The following CTNNA3 variants were observed in gnomAD, a reference collection of about 807,000 sequenced individuals.
CTNNA3 encodes catenin alpha-3.
CTNNA3 carries 76 observed loss-of-function variants against 95.7 expected under a neutral mutation model. The observed-to-expected ratio is 0.79, with a 90% CI of 0.66 to 0.96. The LOEUF is 0.96. Ranked by LOEUF, CTNNA3 falls within the 40% of genes least tolerant of loss-of-function variation. The pLI, the probability that CTNNA3 is intolerant of heterozygous loss-of-function variation, is 0.00. For synonymous variants in CTNNA3, 431 were observed against 374.4 expected (o/e 1.15, Z -1.74); for missense variants, 1,191 against 1,089.8 (o/e 1.09, Z -1.31).
intron 7 of CTNNA3, among the ~76,000 whole-genome samples, chr10:66,804,584 C>T (rs1841566358): frequency 1.3e-5 from 2 of 152,042 alleles, no homozygotes; most frequent in South Asian, 4.1e-4. Flanking sequence ...TCCTTCCTTT[C>T]CTAAAATACT....
Position 66,620,630 on chromosome 10 carries a change from G to A in CTNNA3, c.1374+1062C>T, listed in dbSNP as rs1429841863. Among the ~76,000 whole-genome samples, 3 of 152,144 alleles carry A rather than the reference G, an allele frequency of 2.0e-5. 1 individual carries two copies. In the South Asian group the frequency reaches 6.2e-4, roughly 32 times the overall value. ...CAACTACTTTAGAGACCTCATTGCAGTATTCTGTTCCCTCTGGAGTTTCAT... is the reference window on the plus strand; with the variant it reads ...CAACTACTTTAGAGACCTCATTGCAATATTCTGTTCCCTCTGGAGTTTCAT... On this transcript the variant is annotated intron_variant, in intron 10 of 17. Transcript: ENST00000433211.
intron 5 of CTNNA3, among the ~76,000 whole-genome samples, chr10:67,224,025 G>A (rs1864781637): frequency 6.6e-6 from 1 of 152,154 alleles, no homozygotes; most frequent in Non-Finnish European, 1.5e-5. Context: ...TATACATTGT[G>A]TAATGATTAC....
chr10:67,252,218 C>CAA (rs34502404), intron 5 of CTNNA3, among the ~76,000 whole-genome samples: 2,496 of 87,162 alleles, frequency 0.029, 110 homozygotes, highest in African/African-American at 0.077. Context: ...AACACTGTCT[C>CAA]AAAAAAAAAA....
At chr10:66,402,737 AG>A (rs909242153) in intron 11 of CTNNA3, among the ~76,000 whole-genome samples, 31 of 152,270 alleles carry the variant, frequency 2.0e-4, no homozygotes, top group African/African-American at 7.5e-4. Context: ...ACAACAGCCA[AG>A]GAAGTTAGAG....
chr10:67,057,597 A>G (rs568137495), intron 7 of CTNNA3, among the ~76,000 whole-genome samples: 1 of 152,190 alleles, frequency 6.6e-6, no homozygotes, highest in African/African-American at 2.4e-5. Context: ...GACAGGATAT[A>G]CTTCTTTTTT....
At chr10:66,526,690 C>T (rs1324747293) in intron 10 of CTNNA3, among the ~76,000 whole-genome samples, 1 of 152,014 alleles carries the variant, frequency 6.6e-6, no homozygotes, top group African/African-American at 2.4e-5. Flanking sequence ...TTTGCATTTC[C>T]CTAATGATTA....
At chr10:66,085,424 T>G (rs1035941880) in intron 14 of CTNNA3, among the ~76,000 whole-genome samples, 30 of 152,128 alleles carry the variant, frequency 2.0e-4, no homozygotes, top group Admixed American at 9.2e-4. Flanking sequence ...CAAAGTACAA[T>G]TCACATGCAA....
At chr10:65,926,696 G>A (rs1405513804) in intron 17 of CTNNA3, among the ~76,000 whole-genome samples, 2 of 151,976 alleles carry the variant, frequency 1.3e-5, no homozygotes, top group African/African-American at 4.8e-5. Context: ...GGCTCGTCTT[G>A]AACTCCCAAC....
chr10:66,679,129 C>A (rs555559328), intron 9 of CTNNA3, among the ~76,000 whole-genome samples: 1 of 151,952 alleles, frequency 6.6e-6, no homozygotes, highest in Non-Finnish European at 1.5e-5. Context: ...TCTGGTAGTG[C>A]CAAGGTGTTC....
intron 11 of CTNNA3, among the ~76,000 whole-genome samples, chr10:66,476,857 T>C (rs1839344899): frequency 6.6e-6 from 1 of 152,106 alleles, no homozygotes; most frequent in Non-Finnish European, 1.5e-5. Flanking sequence ...CTTTGTGTTA[T>C]TTCATTGATA....
intron 7 of CTNNA3, among the ~76,000 whole-genome samples, chr10:67,179,534 A>G (rs1820763304): frequency 6.7e-6 from 1 of 150,254 alleles, no homozygotes; most frequent in Admixed American, 6.6e-5. Flanking sequence ...GTCACATTTG[A>G]AAAAGATTAA....
intron 1 of CTNNA3, among the ~76,000 whole-genome samples, chr10:67,667,158 T>G (rs1274168435): frequency 6.6e-6 from 1 of 152,164 alleles, no homozygotes; most frequent in Non-Finnish European, 1.5e-5. Flanking sequence ...CACAGACTAA[T>G]TTTAAAGATA....
chr10:67,276,259 T>C (rs926710295), intron 5 of CTNNA3, among the ~76,000 whole-genome samples: 2 of 152,136 alleles, frequency 1.3e-5, no homozygotes, highest in African/African-American at 2.4e-5. Flanking sequence ...TTGGAGAGTA[T>C]AAAAATTACC....
chr10:66,457,898 C>T (rs984699244), intron 11 of CTNNA3, among the ~76,000 whole-genome samples: 1 of 152,096 alleles, frequency 6.6e-6, no homozygotes, highest in African/African-American at 2.4e-5. Flanking sequence ...CTTCAAAACC[C>T]ATGAAGTGAT....
At chr10:66,775,363 CAAG>C in intron 8 of CTNNA3, 78 bp downstream of exon 8, 1 of 948,368 alleles carries the variant, frequency 1.1e-6, no homozygotes, top group Non-Finnish European at 1.6e-6. Context: ...AGGAACAAAA[CAAG>C]AAACAAATAT....
chr10:67,047,643 TATATATTTATGAAATAAATTCAC>T (rs1156839904), intron 7 of CTNNA3, among the ~76,000 whole-genome samples: 28 of 152,164 alleles, frequency 1.8e-4, no homozygotes, highest in Admixed American at 2.0e-4. Context: ...AAGTTGCTAC[TATATATTTATGAAATAAATTCAC>T]ATATATTTAT....
At chr10:67,363,168 A>C (rs956615361) in intron 5 of CTNNA3, among the ~76,000 whole-genome samples, 13 of 152,148 alleles carry the variant, frequency 8.5e-5, no homozygotes, top group African/African-American at 2.9e-4. Context: ...GAAAGAATCA[A>C]TATCACTAAA....
chr10:67,484,651 C>T (rs1275392563), intron 5 of CTNNA3, among the ~76,000 whole-genome samples: 3 of 152,098 alleles, frequency 2.0e-5, no homozygotes, highest in Non-Finnish European at 4.4e-5. Flanking sequence ...AGGACATGAA[C>T]AGACACTTCT....
At chr10:67,147,879 T>A (rs1860916332) in intron 7 of CTNNA3, among the ~76,000 whole-genome samples, 1 of 152,208 alleles carries the variant, frequency 6.6e-6, no homozygotes, top group East Asian at 1.9e-4. Context: ...TTTGCATTTC[T>A]TCAAAGCCTA....
Sources: gnomAD v4.1 joint callset for allele counts (sites outside exome capture counted in the v4.1 genomes callset) on GRCh38, gnomAD v4.1.1 for gene constraint, MANE v1.5 for transcripts, NCBI Gene and HGNC (gene_info 2026-07-23, HGNC 2026-07-21) for gene names.